Variants in MAP2 observed in about 807,000 individuals in gnomAD.
MAP2 encodes microtubule associated protein 2.
A neutral mutation model predicts 137.6 loss-of-function variants in MAP2; 14 were observed. The observed-to-expected ratio is 0.10, with a 90% CI of 0.07 to 0.16. MAP2 has a LOEUF of 0.16. Ranked by LOEUF, MAP2 falls within the 10% of genes least tolerant of loss-of-function variation. The pLI, the probability that MAP2 is intolerant of heterozygous loss-of-function variation, is 1.00. For missense variants in MAP2, 2,088 were observed against 2,191.5 expected, an observed-to-expected ratio of 0.95 and a Z score of 0.94; for synonymous variants, 786 against 782.3, an observed-to-expected ratio of 1.00 and a Z score of -0.08.
chr2:209,428,055 A>G (rs1574504602), intron 1 of MAP2, among the ~76,000 whole-genome samples: 2 of 152,166 alleles, frequency 1.3e-5, no homozygotes, highest in East Asian at 1.9e-4. Context: ...ATTATACAGT[A>G]TGTTTATTGG....
At chr2:209,559,682 A>C (rs2071550892) in intron 2 of MAP2, among the ~76,000 whole-genome samples, 1 of 151,908 alleles carries the variant, frequency 6.6e-6, no homozygotes, top group Non-Finnish European at 1.5e-5. Context: ...AAATTTGGCC[A>C]CTGGGAGCCC....
chr2:209,499,773 G>A (rs1470268582), intron 1 of MAP2, among the ~76,000 whole-genome samples: 2 of 152,086 alleles, frequency 1.3e-5, no homozygotes, highest in African/African-American at 2.4e-5. Context: ...GAGACAGGGG[G>A]TGGGGAGGAA....
chr2:209,708,384 A>C (rs2064175063), intron 12 of MAP2, among the ~76,000 whole-genome samples: 1 of 152,164 alleles, frequency 6.6e-6, no homozygotes, highest in African/African-American at 2.4e-5. Context: ...CTGTGTTAGA[A>C]GACCAAAAAG....
chr2:209,470,269 C>T (rs1221763926), intron 1 of MAP2, among the ~76,000 whole-genome samples: 1 of 152,152 alleles, frequency 6.6e-6, no homozygotes, highest in Admixed American at 6.5e-5. Flanking sequence ...TGTACATGCA[C>T]AGTGCCCCTT....
chr2:209,639,307 T>G (rs1465123394), intron 4 of MAP2, among the ~76,000 whole-genome samples: 1 of 152,196 alleles, frequency 6.6e-6, no homozygotes, highest in African/African-American at 2.4e-5. Context: ...TTTCAAAACA[T>G]ACATGTAAAT....
At chr2:209,529,768 T>C (rs2064804519) in intron 2 of MAP2, among the ~76,000 whole-genome samples, 1 of 152,172 alleles carries the variant, frequency 6.6e-6, no homozygotes. Flanking sequence ...ATAAGCTATT[T>C]ATTTCTCATT....
intron 2 of MAP2, among the ~76,000 whole-genome samples, chr2:209,514,241 T>C (rs2062141611): frequency 6.6e-6 from 1 of 152,064 alleles, no homozygotes; most frequent in Non-Finnish European, 1.5e-5. Context: ...AATGACAAAA[T>C]AATCACCTTT....
chr2:209,460,001 T>C (rs1051729474), intron 1 of MAP2, among the ~76,000 whole-genome samples: 3 of 152,214 alleles, frequency 2.0e-5, no homozygotes, highest in Admixed American at 6.5e-5. Flanking sequence ...TTAACTGATA[T>C]TCTATGAGTC....
chr2:209,698,204 TG>T (rs1475425504), intron 10 of MAP2, among the ~76,000 whole-genome samples: 1 of 152,164 alleles, frequency 6.6e-6, no homozygotes, highest in Non-Finnish European at 1.5e-5. Flanking sequence ...TTTATAAAAC[TG>T]GTAAAACAAA....
At position 209,583,147 on chromosome 2, in the gene MAP2, G is replaced by GTCTGTCTATCTATCTATCTATCTATCTA. The variant is rs372013614; in HGVS notation, c.-107+3050_-107+3051insGTCTATCTATCTATCTATCTATCTATCT. Among the ~76,000 whole-genome samples, 463 of 147,250 alleles carry GTCTGTCTATCTATCTATCTATCTATCTA rather than the reference G, an allele frequency of 3.1e-3. 3 individuals carry two copies. Among genetic ancestry groups the GTCTGTCTATCTATCTATCTATCTATCTA allele is most frequent in the African/African-American group, 0.011 (439 of 39,294 alleles). On this transcript the variant is annotated intron_variant, in intron 3 of 15. Transcript: ENST00000682079. ...TATCTATCTATCCATCTGTCTGTCT[G>GTCTGTCTATCTATCTATCTATCTATCTA]TCTATCTATCTATCTATCTATCTAT...
chr2:209,678,592 G>A lies in MAP2; in HGVS notation c.283G>A (p.Val95Ile). ...ETAEEVSARI[V>I]QVVTAEAVAV... ...TACAGAGGAGGTGTCTGCAAGGATAGTTCAAGTAGTCACTGCTGAGGCTGT... is the reference window on the plus strand; with the variant it reads ...TACAGAGGAGGTGTCTGCAAGGATAATTCAAGTAGTCACTGCTGAGGCTGT... Residue 95 changes from valine (V) to isoleucine (I), a missense_variant, in exon 6 of 16, where the codon GTT (valine) becomes ATT (isoleucine). Physicochemically the swap from Val to Ile is conservative, Grantham distance 29. Coordinates refer to ENST00000682079, the MANE Select transcript of MAP2 (RefSeq NM_001375505.1). The A allele has an allele frequency of 6.3e-7, 1 of 1,595,560 alleles. No individual in the cohort carries two copies. Among genetic ancestry groups the A allele is most frequent in the Non-Finnish European group, 8.5e-7 (1 of 1,170,466 alleles).
intron 13 of MAP2, among the ~76,000 whole-genome samples, chr2:209,716,039 A>C (rs1481887164): frequency 6.6e-6 from 1 of 152,162 alleles, no homozygotes; most frequent in Non-Finnish European, 1.5e-5. Context: ...CGCAGGATAC[A>C]TGATCTCTTG....
chr2:209,514,132 T>C (rs2062118966), intron 2 of MAP2, among the ~76,000 whole-genome samples: 1 of 152,128 alleles, frequency 6.6e-6, no homozygotes. Context: ...AATCTCAAAG[T>C]CACTTTGTAT....
intron 5 of MAP2, among the ~76,000 whole-genome samples, chr2:209,677,919 T>C (rs2153682556): frequency 6.6e-6 from 1 of 152,140 alleles, no homozygotes; most frequent in East Asian, 1.9e-4. Context: ...AGATTCCTTA[T>C]AATTTATCTT....
At chr2:209,704,153 C>T (rs2062635165) in intron 11 of MAP2, 1 of 423,654 alleles carries the variant, frequency 2.4e-6, no homozygotes, top group African/African-American at 2.0e-5. Context: ...TCTATTGTTG[C>T]CATCTTTATG....
intron 2 of MAP2, among the ~76,000 whole-genome samples, chr2:209,551,358 T>C (rs1047185938): frequency 2.0e-5 from 3 of 152,186 alleles, no homozygotes; most frequent in Non-Finnish European, 2.9e-5. Flanking sequence ...TCAATTTCCA[T>C]TTAATTCCTT....
At chr2:209,666,888 A>G (rs1160396045) in intron 5 of MAP2, among the ~76,000 whole-genome samples, 1 of 151,970 alleles carries the variant, frequency 6.6e-6, no homozygotes, top group Non-Finnish European at 1.5e-5. Context: ...CATTTTTTCA[A>G]TTCTAACTAG....
At chr2:209,466,163 CAGAGTAAAATTTG>C (rs1325336600) in intron 1 of MAP2, among the ~76,000 whole-genome samples, 3 of 152,144 alleles carry the variant, frequency 2.0e-5, no homozygotes, top group African/African-American at 4.8e-5. Context: ...CAGTTTCTTA[CAGAGTAAAATTTG>C]AGAGTAAAAT....
At chr2:209,553,117 T>A (rs565884050) in intron 2 of MAP2, among the ~76,000 whole-genome samples, 58 of 151,298 alleles carry the variant, frequency 3.8e-4, no homozygotes, top group Non-Finnish European at 6.6e-4. Flanking sequence ...GTTCATGCCA[T>A]TCTCCTGCCT....
Sources: allele counts gnomAD v4.1 joint callset (sites outside exome capture counted in the v4.1 genomes callset), GRCh38; gene constraint gnomAD v4.1.1; transcripts MANE v1.5; gene names NCBI Gene and HGNC (gene_info 2026-07-23, HGNC 2026-07-21).